The following PHACTR2 variants were observed in gnomAD, a reference collection of about 807,000 sequenced individuals.
PHACTR2 encodes the protein chromosome 6 open reading frame 56.
A neutral mutation model predicts 76.0 loss-of-function variants in PHACTR2; 30 were observed. That is an observed-to-expected ratio of 0.39 (90% CI 0.30 to 0.54). The LOEUF is 0.54. PHACTR2 is among the 20% of genes least tolerant of loss of function. PHACTR2 has a pLI of 0.61. For synonymous variants in PHACTR2, 292 were observed against 292.5 expected (o/e 1.00, Z 0.02); for missense variants, 696 against 781.1 (o/e 0.89, Z 1.30).
chr6:143,542,291 T>C (rs1176949422), intron 1 of PHACTR2, among the ~76,000 whole-genome samples: 2 of 152,190 alleles, frequency 1.3e-5, no homozygotes, highest in Non-Finnish European at 2.9e-5. Flanking sequence ...CCCAGGAGCC[T>C]GACCGCCGGT....
chr6:143,552,888 G>GAAAA (rs35606517), intron 1 of PHACTR2, among the ~76,000 whole-genome samples: 6 of 116,648 alleles, frequency 5.1e-5, no homozygotes, highest in Admixed American at 9.6e-5. Flanking sequence ...ATCTCAAAAA[G>GAAAA]AAAAAAAAAA....
In PHACTR2 at chr6:143,595,230, CTAAGT is replaced by C. The variant is rs1198628075; in HGVS notation, c.217+58029_217+58033del. Among the ~76,000 whole-genome samples, 1 of 152,110 alleles carries C rather than the reference CTAAGT, an allele frequency of 6.6e-6. No homozygotes were observed. The highest frequency in any genetic ancestry group is 1.5e-5 in the Non-Finnish European group (1 of 68,032). ...GGATGGGCACTAAAATATATATGAA[CTAAGT>C]TAAGTATGTCAAATGACACACTAAA... is the stretch of plus-strand genomic sequence containing the variant. On this transcript the variant is annotated intron_variant, in intron 1 of 11. Transcript: ENST00000367584. This position sits in a 1 kb window ranked among gnomAD's most constrained non-coding sequence, Gnocchi z 4.2.
At position 143,761,323 on chromosome 6, in the gene PHACTR2, TTGAG is replaced by T. The variant is rs1779435509; in HGVS notation, c.694+687_694+690del. ...ACTATTATAAATCACCAGTGGATGT[TTGAG>T]TGACCTGCAATAACTCATGCAATAT... On this transcript the variant is annotated intron_variant, in intron 5 of 12. Coordinates refer to ENST00000440869, the MANE Select transcript of PHACTR2 (RefSeq NM_001100164.2). This position sits in a 1 kb window ranked among gnomAD's most constrained non-coding sequence, Gnocchi z 5.2. 6.6e-6 allele frequency among the ~76,000 whole-genome samples: 1 copy of T among 152,228 alleles called. No homozygotes were observed. The highest frequency in any genetic ancestry group is 6.5e-5 in the Admixed American group (1 of 15,278).
rs1279405735 is a variant in PHACTR2, at chr6:143,647,570, A to G, written c.13+39248A>G. Among the ~76,000 whole-genome samples the G allele has an allele frequency of 1.3e-5, 2 of 152,208 alleles. No homozygotes were observed. The highest frequency in any genetic ancestry group is 2.9e-5 in the Non-Finnish European group (2 of 68,036). On this transcript the variant is annotated intron_variant, in intron 1 of 11. Transcript: ENST00000305766. This position sits in a 1 kb window ranked among gnomAD's most constrained non-coding sequence, Gnocchi z 4.2. ...TCAGTGCTTAATTTAGTTAAGTGAG[A>G]TGGGGGCGGGAAAGAAGAGAAAATA...
intron 10 of PHACTR2, among the ~76,000 whole-genome samples, chr6:143,786,827 C>T (rs2128479081): frequency 6.6e-6 from 1 of 152,274 alleles, no homozygotes; most frequent in Middle Eastern, 3.4e-3. Context: ...AATTACCTCC[C>T]CCTGGGTCCC....
chr6:143,617,804 C>A lies in PHACTR2; in HGVS notation c.13+9482C>A, dbSNP rs547214022. 6.6e-6 allele frequency among the ~76,000 whole-genome samples: 1 copy of A among 152,160 alleles called. No individual in the cohort carries two copies. The highest frequency in any genetic ancestry group is 1.5e-5 in the Non-Finnish European group (1 of 68,034). Reference sequence around the variant, plus strand: ...AGGCAATGTATCAGGATAGGAACAACGGAAACTGAAGCCAGACTTTCTATA... The same window carrying A: ...AGGCAATGTATCAGGATAGGAACAAAGGAAACTGAAGCCAGACTTTCTATA... On this transcript the variant is annotated intron_variant, in intron 1 of 11. Coordinates refer to the PHACTR2 transcript ENST00000305766. The surrounding 1 kb of genome is among the most constrained non-coding windows in gnomAD (Gnocchi z 4.8).
Position 143,765,708 on chromosome 6 carries a change from C to A in PHACTR2, c.1142C>A (p.Pro381Gln), listed in dbSNP as rs769849412. The A allele has an allele frequency of 6.2e-7, 1 of 1,614,148 alleles. No homozygotes were observed. The highest frequency in any genetic ancestry group is 1.7e-5 in the Admixed American group (1 of 60,030). Residue 381 changes from proline (P) to glutamine (Q), a missense_variant, in exon 6 of 13, where the codon CCA becomes CAA. Coordinates refer to ENST00000440869, the MANE Select transcript of PHACTR2 (RefSeq NM_001100164.2). The surrounding 1 kb of genome is among the most constrained non-coding windows in gnomAD (Gnocchi z 4.1). The part of the protein sequence containing the change: ...GADLPVSALD[P>Q]SQLLWAEEPT... ...GACCTGCCCGTCTCTGCCTTAGACC[C>A]AAGTCAGCTTCTTTGGGCTGAAGAG...
chr6:143,603,577 A>T (rs920881736), upstream of PHACTR2, among the ~76,000 whole-genome samples: 1 of 152,228 alleles, frequency 6.6e-6, no homozygotes, highest in Non-Finnish European at 1.5e-5. Flanking sequence ...CATGTCAAAT[A>T]GCATTGGCCT....
Position 143,595,823 on chromosome 6 carries a change from T to C in PHACTR2, c.217+58616T>C, listed in dbSNP as rs1775744733. 6.6e-6 allele frequency among the ~76,000 whole-genome samples: 1 copy of C among 152,212 alleles called. No individual in the cohort carries two copies. The highest frequency in any genetic ancestry group is 1.5e-5 in the Non-Finnish European group (1 of 68,030). Reference sequence around the variant, plus strand: ...TTTAGCTTTCCAAAGATAAACACACTGGTGAATCATTACATGCTGATGGTG... The same window carrying C: ...TTTAGCTTTCCAAAGATAAACACACCGGTGAATCATTACATGCTGATGGTG... On this transcript the variant is annotated intron_variant, in intron 1 of 11. Coordinates refer to the PHACTR2 transcript ENST00000367584. The surrounding 1 kb of genome is among the most constrained non-coding windows in gnomAD (Gnocchi z 4.2).
Position 143,749,082 on chromosome 6 carries a change from T to C in PHACTR2, c.295+17T>C, listed in dbSNP as rs1396881142. 3.7e-6 allele frequency: 5 copies of C among 1,344,106 alleles called. No homozygotes were observed. Among genetic ancestry groups the C allele is most frequent in the South Asian group, 2.4e-5 (2 of 83,354 alleles). The allele number at this position is 1,344,106 out of a possible 1,614,324, so 83.3% of individuals were successfully genotyped here. A position where few individuals can be genotyped will look rare whatever the true frequency, so the allele number is the denominator to read the frequency against. Reference sequence around the variant, plus strand: ...CTGATCAAGGTGAGGAAATTAATCATACATTTTAAATATTTTGGTCCTTCA... The same window carrying C: ...CTGATCAAGGTGAGGAAATTAATCACACATTTTAAATATTTTGGTCCTTCA... On this transcript the variant is annotated intron_variant, in intron 3 of 12. Coordinates refer to ENST00000440869, the MANE Select transcript of PHACTR2 (RefSeq NM_001100164.2).
chr6:143,657,015 T>C (rs537987963), intron 1 of PHACTR2, among the ~76,000 whole-genome samples: 15 of 144,784 alleles, frequency 1.0e-4, no homozygotes, highest in African/African-American at 3.7e-4. Flanking sequence ...TTCTCACTCA[T>C]AAGTAGGAGT....
chr6:143,736,479 T>C (rs1778821779), intron 2 of PHACTR2, among the ~76,000 whole-genome samples: 1 of 150,614 alleles, frequency 6.6e-6, no homozygotes, highest in Non-Finnish European at 1.5e-5. Context: ...TGCAAATGTA[T>C]ACAGGAGAAA....
rs1779285542 is a variant in PHACTR2 at position 143,755,818 on chromosome 6, T to C, written c.454+1906T>C. 6.6e-6 allele frequency among the ~76,000 whole-genome samples: 1 copy of C among 152,112 alleles called. No homozygotes were observed. The highest frequency in any genetic ancestry group is 2.4e-5 in the African/African-American group (1 of 41,430). ...ATGTCACGCATAACTAATATTACAG[T>C]GTATTATGTTAATTAGAAAATGCCT... On this transcript the variant is annotated intron_variant, in intron 4 of 12. Transcript: ENST00000440869. The surrounding 1 kb of genome is among the most constrained non-coding windows in gnomAD (Gnocchi z 5.2).
rs1228492898 is a variant in PHACTR2 at position 143,646,617 on chromosome 6, G to A, written c.13+38295G>A. 2.0e-5 allele frequency among the ~76,000 whole-genome samples: 3 copies of A among 152,126 alleles called. No individual in the cohort carries two copies. The highest frequency in any genetic ancestry group is 4.4e-5 in the Non-Finnish European group (3 of 68,016). ...TTCCTAGGTACATGGAGCAAATAGA[G>A]AAGATAATTAGAATTCCACTTTTCT... On this transcript the variant is annotated intron_variant, in intron 1 of 11. Transcript: ENST00000305766. The surrounding 1 kb of genome is among the most constrained non-coding windows in gnomAD (Gnocchi z 4.1).
At chr6:143,575,778 G>GTTTTTTTTTTTTTTTTTTTTTTTTTT (rs1775499344) in intron 1 of PHACTR2, among the ~76,000 whole-genome samples, 1 of 151,896 alleles carries the variant, frequency 6.6e-6, no homozygotes, top group African/African-American at 2.4e-5. Flanking sequence ...TTATTGAACC[G>GTTTTTTTTTTTTTTTTTTTTTTTTTT]TTTTGTTAAG....
Position 143,547,908 on chromosome 6 carries a change from C to CATCT in PHACTR2, c.217+10709_217+10712dup, listed in dbSNP as rs369510330. Among the ~76,000 whole-genome samples the CATCT allele has an allele frequency of 1.3e-5, 2 of 152,068 alleles. No homozygotes were observed. The highest frequency in any genetic ancestry group is 2.9e-5 in the Non-Finnish European group (2 of 68,020). On this transcript the variant is annotated intron_variant, in intron 1 of 11. Transcript: ENST00000367584. The surrounding 1 kb of genome is among the most constrained non-coding windows in gnomAD (Gnocchi z 4.2). Reference sequence around the variant, plus strand: ...CGTATGTATCTATCTATCTATCTATCATCTATCTATCCATCTATCCATTCA... The same window carrying CATCT: ...CGTATGTATCTATCTATCTATCTATCATCTATCTATCTATCCATCTATCCATTCA...
At position 143,678,338 on chromosome 6, in the gene PHACTR2, C is replaced by T; in HGVS notation, c.46+129C>T. On this transcript the variant is annotated intron_variant, in intron 1 of 12. Coordinates refer to ENST00000440869, the MANE Select transcript of PHACTR2 (RefSeq NM_001100164.2). This position sits in a 1 kb window ranked among gnomAD's most constrained non-coding sequence, Gnocchi z 6.2. Reference sequence around the variant, plus strand: ...ACCCGCCAAGTCCCTCGGAGAAACCCCAGAGGTAGCGCTCGCCAAACTCTT... The same window carrying T: ...ACCCGCCAAGTCCCTCGGAGAAACCTCAGAGGTAGCGCTCGCCAAACTCTT... 1.3e-6 allele frequency: 1 copy of T among 784,526 alleles called. No individual in the cohort carries two copies. 48.6% of individuals were successfully genotyped at this position (784,526 alleles called of 1,614,324 possible).
chr6:143,632,033 CAG>C (rs996257923), intron 1 of PHACTR2, among the ~76,000 whole-genome samples: 105 of 152,316 alleles, frequency 6.9e-4, no homozygotes, highest in African/African-American at 2.2e-3. Flanking sequence ...GCCCTTGGAA[CAG>C]GGAAAAGAAC....
At chr6:143,740,877 A>AC (rs1778925618) in intron 2 of PHACTR2, among the ~76,000 whole-genome samples, 2 of 152,218 alleles carry the variant, frequency 1.3e-5, no homozygotes, top group Non-Finnish European at 2.9e-5. Context: ...CCTGGGTTCA[A>AC]CCAGGTTCCT....
Sources: gnomAD v4.1 joint callset for allele counts (sites outside exome capture counted in the v4.1 genomes callset) on GRCh38, gnomAD v4.1.1 for gene constraint, Gnocchi (gnomAD v3.1) non-coding constraint, MANE v1.5 for transcripts, NCBI Gene and HGNC (gene_info 2026-07-23, HGNC 2026-07-21) for gene names.